The following TH variants were observed in gnomAD, a reference collection of about 807,000 sequenced individuals.
TH encodes tyrosine 3-monooxygenase.
Under a neutral mutation model 57.4 loss-of-function variants are expected in TH, and 49 were observed. That is an observed-to-expected ratio of 0.85 (90% CI 0.68 to 1.08). The LOEUF is 1.08. TH is among the 50% of genes least tolerant of loss of function. The pLI is 0.00. For missense variants in TH, 720 were observed against 696.7 expected, an observed-to-expected ratio of 1.03 and a Z score of -0.38; for synonymous variants, 330 against 304.5, an observed-to-expected ratio of 1.08 and a Z score of -0.87.
intron 2 of TH, 51 bp from the exon 3 acceptor site, chr11:2,168,716 G>T: frequency 9.0e-7 from 1 of 1,113,962 alleles, no homozygotes; most frequent in Non-Finnish European, 1.3e-6. Context: ...AGACAGAGAT[G>T]GAGAGAGAGG....
In TH at chr11:2,170,741, A is replaced by G. The variant is rs748155087; in HGVS notation, c.91-870T>C. ...CTGGGGCTGCAGTTCCAGGCCACGG[A>G]GAGCCTGTGAGGCTGGGCCCCGGGG... is the stretch of plus-strand genomic sequence containing the variant. On this transcript the variant is annotated intron_variant, in intron 1 of 12. Coordinates refer to ENST00000352909, the MANE Select transcript of TH (RefSeq NM_000360.4). The surrounding 1 kb of genome is among the most constrained non-coding windows in gnomAD (Gnocchi z 6.0). 1 of 1,580,900 alleles carries G rather than the reference A, an allele frequency of 6.3e-7. No individual in the cohort carries two copies. Among genetic ancestry groups the G allele is most frequent in the South Asian group, 1.1e-5 (1 of 88,410 alleles).
Position 2,170,725 on chromosome 11 carries a change from C to T in TH, c.91-854G>A. On this transcript the variant is annotated intron_variant, in intron 1 of 12. Transcript: ENST00000352909. The surrounding 1 kb of genome is among the most constrained non-coding windows in gnomAD (Gnocchi z 6.0). ...GGGGTGTAGGATGCAGCTGGGGCTG[C>T]AGTTCCAGGCCACGGAGAGCCTGTG... The T allele has an allele frequency of 8.7e-6, 14 of 1,602,048 alleles. No individual in the cohort carries two copies. Among genetic ancestry groups the T allele is most frequent in the Non-Finnish European group, 1.2e-5 (14 of 1,176,782 alleles).
In TH at chr11:2,167,495, G is replaced by A. The variant is rs1846132529; in HGVS notation, c.645-10C>T. The A allele has an allele frequency of 6.4e-7, 1 of 1,556,576 alleles. No homozygotes were observed. Among genetic ancestry groups the A allele is most frequent in the Middle Eastern group, 1.7e-4 (1 of 5,988 alleles). On this transcript the variant is annotated splice_polypyrimidine_tract_variant and intron_variant, in intron 5 of 12. Transcript: ENST00000352909. ...GGGAATCGGGTCGCCGCTGGGGAGG[G>A]GGCCAGTGGTCAGCAGGTCCCCTCG...
At position 2,165,992 on chromosome 11, in the gene TH, G is replaced by T. The variant is rs1429178637; in HGVS notation, c.1104+10C>A. The T allele has an allele frequency of 1.3e-6, 2 of 1,560,048 alleles. No individual in the cohort carries two copies. Among genetic ancestry groups the T allele is most frequent in the Admixed American group, 3.9e-5 (2 of 51,418 alleles). On this transcript the variant is annotated intron_variant, in intron 10 of 12. Transcript: ENST00000352909. ...CACACCCCAGGCCCTGCAGGGAGGG[G>T]TCAACCCACCGTGGACAGCTTCTCA... is the stretch of plus-strand genomic sequence containing the variant.
At chr11:2,167,818 G>A (rs374052764) in intron 5 of TH, 48 bp downstream of exon 5, 125 of 1,549,730 alleles carry the variant, frequency 8.1e-5, no homozygotes, top group African/African-American at 2.7e-4. Flanking sequence ...CAGGTCCAGC[G>A]TCAGCCTGCA....
At chr11:2,168,731 G>A in intron 2 of TH, 66 bp from the exon 3 acceptor site, 1 of 926,926 alleles carries the variant, frequency 1.1e-6, no homozygotes, top group Non-Finnish European at 1.7e-6. Context: ...GAGAGGGTGG[G>A]GTGGGCGGGG....
At chr11:2,166,795 CGAGCCGGGACGGGCTG>C (rs1846104660) in intron 7 of TH, 27 bp from the exon 8 acceptor site, 1 of 1,547,804 alleles carries the variant, frequency 6.5e-7, no homozygotes, top group Admixed American at 2.0e-5. Flanking sequence ...GGGTCACTGC[CGAGCCGGGACGGGCTG>C]GAGCCGCGCT....
rs535794692 is a variant in TH, at chr11:2,165,768, G to A, written c.1105-5C>T. The A allele has an allele frequency of 1.8e-5, 29 of 1,610,860 alleles. No individual in the cohort carries two copies. The highest frequency in any genetic ancestry group is 2.2e-5 in the South Asian group (2 of 90,750). On this transcript the variant is annotated splice_polypyrimidine_tract_variant and splice_region_variant and intron_variant, in intron 10 of 12. Coordinates refer to ENST00000352909, the MANE Select transcript of TH (RefSeq NM_000360.4). ...CTCCACCGTGAACCAGTACAGCTGC[G>A]GGGAAGCCGGGCAGCATCAGCCCAG...
At chr11:2,168,729 G>A (rs1590170121) in intron 2 of TH, 64 bp from the exon 3 acceptor site, 2 of 1,067,116 alleles carry the variant, frequency 1.9e-6, no homozygotes, top group Admixed American at 4.3e-5. Flanking sequence ...GAGAGAGGGT[G>A]GGGTGGGCGG....
In TH at chr11:2,165,243, C is replaced by G. The variant is rs1209061296; in HGVS notation, c.1323G>C (p.Lys441Asn). The change falls in exon 12 of 13, where the codon AAG becomes AAC. Residue 441 changes from lysine to asparagine, a missense_variant. Coordinates refer to ENST00000352909, the MANE Select transcript of TH (RefSeq NM_000360.4). Reference protein sequence around the residue: ...YFVSESFSDAKDKLRSYASRI... With the variant: ...YFVSESFSDANDKLRSYASRI... ...GCAGCCTAGCCCACCTGAGCTTGTC[C>G]TTGGCGTCACTGAAGCTCTCAGACA... 1 of 1,612,900 alleles carries G rather than the reference C, an allele frequency of 6.2e-7. No homozygotes were observed. The highest frequency in any genetic ancestry group is 1.7e-5 in the Admixed American group (1 of 60,030).
intron 11 of TH, 132 bp from the exon 12 acceptor site, chr11:2,165,497 G>A: frequency 1.4e-6 from 2 of 1,453,662 alleles, no homozygotes; most frequent in Non-Finnish European, 1.9e-6. Context: ...GCCTTCGGAG[G>A]CCTGGGATAA....
At position 2,166,888 on chromosome 11, in the gene TH, C is replaced by T. The variant is rs1176348316; in HGVS notation, c.840G>A (p.Lys280=). The T allele has an allele frequency of 6.2e-7, 1 of 1,605,246 alleles. No homozygotes were observed. Among genetic ancestry groups the T allele is most frequent in the East Asian group, 2.2e-5 (1 of 44,554 alleles). ...TGCGCCCCTCCCGTCTGGGCACACC[C>T]TTCAGGAAGCGGGAGACGTCCTCCA... The part of the protein sequence containing the change: ...PQLEDVSRFL[K]ERTGFQLRPV... Residue 280 remains lysine, a splice_region_variant and synonymous_variant, in exon 7 of 13, where the codon AAG becomes AAA. Coordinates refer to ENST00000352909, the MANE Select transcript of TH (RefSeq NM_000360.4).
intron 12 of TH, among the ~76,000 whole-genome samples, chr11:2,164,874 C>T (rs1231199562): frequency 1.3e-5 from 2 of 152,132 alleles, no homozygotes; most frequent in Admixed American, 6.5e-5. Flanking sequence ...ACCCCACTCC[C>T]GCCCTGTCCC....
In TH at chr11:2,168,914, T is replaced by C. The variant is rs145403018; in HGVS notation, c.313-249A>G. 3.0e-3 allele frequency among the ~76,000 whole-genome samples: 452 copies of C among 152,316 alleles called. 2 individuals are homozygous for C. The highest frequency in any genetic ancestry group is 0.01 in the African/African-American group (428 of 41,566). ...ACCAGGAGTTGTCACCGCTTGAGGCTTAACCTGGTTCTGGGCGGCTCGGTG... is the reference window on the plus strand; with the variant it reads ...ACCAGGAGTTGTCACCGCTTGAGGCCTAACCTGGTTCTGGGCGGCTCGGTG... On this transcript the variant is annotated intron_variant, in intron 2 of 12. Coordinates refer to ENST00000352909, the MANE Select transcript of TH (RefSeq NM_000360.4).
At chr11:2,168,055 G>A in intron 4 of TH, 36 bp downstream of exon 4, 1 of 1,611,968 alleles carries the variant, frequency 6.2e-7, no homozygotes, top group Non-Finnish European at 8.5e-7. Flanking sequence ...GATGTGATCA[G>A]GGGCAGGAGG....
rs765742883 is a variant in TH, at chr11:2,170,684, A to T, written c.91-813T>A. On this transcript the variant is annotated intron_variant, in intron 1 of 12. Coordinates refer to ENST00000352909, the MANE Select transcript of TH (RefSeq NM_000360.4). This position sits in a 1 kb window ranked among gnomAD's most constrained non-coding sequence, Gnocchi z 6.0. ...GAAGCCCCTCCCAGAGTCCCCTCTT[A>T]CTTACCCTTGGGGTGGGGGTGTAGG... 1 of 1,601,716 alleles carries T rather than the reference A, an allele frequency of 6.2e-7. No homozygotes were observed. The highest frequency in any genetic ancestry group is 8.5e-7 in the Non-Finnish European group (1 of 1,175,088).
Position 2,170,146 on chromosome 11 carries a change from T to C in TH, c.91-275A>G, listed in dbSNP as rs961760036. Among the ~76,000 whole-genome samples the C allele has an allele frequency of 6.6e-6, 1 of 152,074 alleles. No individual in the cohort carries two copies. The highest frequency in any genetic ancestry group is 1.5e-5 in the Non-Finnish European group (1 of 68,000). On this transcript the variant is annotated intron_variant, in intron 1 of 12. Transcript: ENST00000352909. The surrounding 1 kb of genome is among the most constrained non-coding windows in gnomAD (Gnocchi z 6.0). Reference sequence around the variant, plus strand: ...AGGTGCTCGCCTGCTCCCCACTCTGTGGCGAGCAGACAGACAGAGACGCTG... The same window carrying C: ...AGGTGCTCGCCTGCTCCCCACTCTGCGGCGAGCAGACAGACAGAGACGCTG...
chr11:2,166,659 C>T lies in TH; in HGVS notation c.951G>A (p.Ala317=), dbSNP rs1590167106. ...GCTCAGGGGAGTGCATGGGCGAGGA[C>T]GCGTGGCGGATATACTGGGTGCACT... ...VFQCTQYIRH[A]SSPMHSPEPD... The change falls in exon 8 of 13, where the codon GCG becomes GCA. Residue 317 remains alanine (A), a synonymous_variant. Coordinates refer to ENST00000352909, the MANE Select transcript of TH (RefSeq NM_000360.4). The T allele has an allele frequency of 6.4e-7, 1 of 1,573,042 alleles. No homozygotes were observed.
chr11:2,170,276 G>A lies in TH; in HGVS notation c.91-405C>T, dbSNP rs1246372690. ...TGCCGGGGAGGGAACGGCAGCTCAG[G>A]AAGGAGCTGCCCCCACAGGGCCCCA... On this transcript the variant is annotated intron_variant, in intron 1 of 12. Coordinates refer to ENST00000352909, the MANE Select transcript of TH (RefSeq NM_000360.4). The surrounding 1 kb of genome is among the most constrained non-coding windows in gnomAD (Gnocchi z 6.0). Among the ~76,000 whole-genome samples the A allele has an allele frequency of 1.3e-5, 2 of 152,108 alleles. No individual in the cohort carries two copies. The highest frequency in any genetic ancestry group is 2.9e-5 in the Non-Finnish European group (2 of 67,984).
Sources: gnomAD v4.1 joint callset for allele counts (sites outside exome capture counted in the v4.1 genomes callset) on GRCh38, gnomAD v4.1.1 for gene constraint, Gnocchi (gnomAD v3.1) non-coding constraint, MANE v1.5 for transcripts, NCBI Gene and HGNC (gene_info 2026-07-23, HGNC 2026-07-21) for gene names.